Variants in GOT1L1 observed in about 807,000 individuals in gnomAD.
GOT1L1 encodes aspartate aminotransferase, cytoplasmic 2.
A neutral mutation model predicts 43.6 loss-of-function variants in GOT1L1; 38 were observed. The ratio of observed to expected loss-of-function variants is 0.87; its 90% confidence interval spans 0.67 to 1.14. The LOEUF (loss-of-function observed/expected upper bound fraction) is 1.14. Ranked by LOEUF, GOT1L1 falls within the 50% of genes most tolerant of loss-of-function variation. GOT1L1 has a pLI of 0.00. For missense variants in GOT1L1, 482 were observed against 504.0 expected (o/e 0.96, Z 0.42); for synonymous variants, 183 against 187.2 (o/e 0.98, Z 0.18).
At chr8:37,935,020 CA>C (rs746303974) in intron 8 of GOT1L1, 52 bp downstream of exon 8, 23 of 1,601,620 alleles carry the variant, frequency 1.4e-5, no homozygotes, top group Admixed American at 6.9e-5. Context: ...GTTTAATGCT[CA>C]AATACAGGCC....
At chr8:37,939,429 AAAAT>A (rs1173147120) in intron 1 of GOT1L1, among the ~76,000 whole-genome samples, 8 of 52,748 alleles carry the variant, frequency 1.5e-4, no homozygotes, top group African/African-American at 2.2e-4. Context: ...AAAAAAAAAA[AAAAT>A]ATATATATAT....
chr8:37,937,466 G>C, intron 3 of GOT1L1, 80 bp from the exon 4 acceptor site: 1 of 1,068,672 alleles, frequency 9.4e-7, no homozygotes. Context: ...GTGGGGCTGA[G>C]AGTCACTGGC....
intron 4 of GOT1L1, 93 bp downstream of exon 4, chr8:37,937,184 A>G: frequency 2.5e-6 from 3 of 1,221,344 alleles, no homozygotes; most frequent in Non-Finnish European, 3.5e-6. Context: ...AAACCTGGAA[A>G]AGGTCTTGGA....
intron 8 of GOT1L1, 135 bp downstream of exon 8, chr8:37,934,938 A>AAGC: frequency 1.0e-6 from 1 of 1,002,798 alleles, no homozygotes; most frequent in Non-Finnish European, 1.5e-6. Flanking sequence ...AGTGTCTTTA[A>AAGC]AGCAGCCCAT....
Position 37,939,432 on chromosome 8 carries a change from ATATATATATATATATATATATATAT to A in GOT1L1, c.115+458_115+482del, listed in dbSNP as rs1228861969. 4.9e-4 allele frequency among the ~76,000 whole-genome samples: 32 copies of A among 65,496 alleles called. 4 individuals are homozygous for A. The highest frequency in any genetic ancestry group is 1.8e-3 in the African/African-American group (29 of 16,006). The allele number at this position is 65,496 out of a possible 152,430, so 43.0% of individuals were successfully genotyped here. A position where few individuals can be genotyped will look rare whatever the true frequency, so the allele number is the denominator to read the frequency against. On this transcript the variant is annotated intron_variant, in intron 1 of 8. Coordinates refer to ENST00000307599, the MANE Select transcript of GOT1L1 (RefSeq NM_152413.3). ...CTGTCTCAAGAAAAAAAAAAAAAAAATATATATATATATATATATATATATATATATATATATATATGCAAAATGA... is the reference window on the plus strand; with the variant it reads ...CTGTCTCAAGAAAAAAAAAAAAAAAAATATATATATATATATGCAAAATGA...
chr8:37,935,344 T>C, intron 7 of GOT1L1, 129 bp from the exon 8 acceptor site: 2 of 959,422 alleles, frequency 2.1e-6, no homozygotes, highest in Middle Eastern at 3.3e-4. Context: ...GGGATGATTA[T>C]GAGTGGGAGG....
At position 37,939,847 on chromosome 8, in the gene GOT1L1, G is replaced by A. The variant is rs1807878868; in HGVS notation, c.115+68C>T. On this transcript the variant is annotated intron_variant, in intron 1 of 8. Coordinates refer to ENST00000307599, the MANE Select transcript of GOT1L1 (RefSeq NM_152413.3). The stretch of plus-strand genomic sequence containing the variant: ...GCTGCACCCCTCCCCCTGCAGCAGG[G>A]AACACTGTCCTCCTAGAGGCAGTTA... The A allele has an allele frequency of 3.4e-6, 5 of 1,489,370 alleles. No homozygotes were observed. The Admixed American group carries it at 7.8e-5, about 23-fold the overall frequency. The allele number at this position is 1,489,370 out of a possible 1,614,324, so 92.3% of individuals were successfully genotyped here.
Position 37,937,673 on chromosome 8 carries a change from T to A in GOT1L1, c.374A>T (p.Asp125Val), listed in dbSNP as rs1462065768. Reference sequence around the variant, plus strand: ...AGAGATGATGTAAACTATACGAGCATCCTTATGCCAAGCTCTGAGAAACTG... The same window carrying A: ...AGAGATGATGTAAACTATACGAGCAACCTTATGCCAAGCTCTGAGAAACTG... ...GVQFLRAWHK[D>V]ARIVYIISSQ... Residue 125 changes from aspartate to valine, a missense_variant, in exon 3 of 9, where the codon GAT becomes GTT. Physicochemically the swap from Asp to Val is radical, Grantham distance 152. Coordinates refer to ENST00000307599, the MANE Select transcript of GOT1L1 (RefSeq NM_152413.3). The A allele has an allele frequency of 6.2e-7, 1 of 1,612,606 alleles. No individual in the cohort carries two copies. The highest frequency in any genetic ancestry group is 8.5e-7 in the Non-Finnish European group (1 of 1,179,344).
In GOT1L1 at chr8:37,935,693, C is replaced by A; in HGVS notation, c.929+11G>T. On this transcript the variant is annotated intron_variant, in intron 7 of 8. Coordinates refer to ENST00000307599, the MANE Select transcript of GOT1L1 (RefSeq NM_152413.3). ...TCTCCCATCCCTTCCTGCTCCAGCC[C>A]TCACCCTTACCATTCTCCCAGCAGA... 6.4e-7 allele frequency: 1 copy of A among 1,569,450 alleles called. No individual in the cohort carries two copies.
At chr8:37,938,943 T>C in intron 1 of GOT1L1, 62 bp from the exon 2 acceptor site, 1 of 1,493,332 alleles carries the variant, frequency 6.7e-7, no homozygotes, top group South Asian at 1.2e-5. Flanking sequence ...GGCTGAGCTC[T>C]GCAGACAGCC....
At chr8:37,939,816 G>A in intron 1 of GOT1L1, 99 bp downstream of exon 1, 4 of 1,197,278 alleles carry the variant, frequency 3.3e-6, no homozygotes, top group Non-Finnish European at 4.7e-6. Context: ...ACCCACAGAA[G>A]CTTGGGCTGC....
intron 6 of GOT1L1, 78 bp downstream of exon 6, chr8:37,936,642 G>T (rs1370090876): frequency 1.2e-5 from 16 of 1,313,136 alleles, no homozygotes; most frequent in Admixed American, 2.0e-5. Flanking sequence ...CCAAGGATGA[G>T]ATATCAAAAA....
At position 37,938,842 on chromosome 8, in the gene GOT1L1, A is replaced by G; in HGVS notation, c.155T>C (p.Val52Ala). 6.2e-7 allele frequency: 1 copy of G among 1,613,840 alleles called. No homozygotes were observed. ...AATCTGTAGTCGAGTCTTCTGCACC[A>G]CGAGAGAAACCCAGGGATGGCCTTC... ...TNEGHPWVSL[V>A]VQKTRLQISQ... The change falls in exon 2 of 9, where the codon GTG becomes GCG. Residue 52 changes from valine (V) to alanine (A), a missense_variant. Val to Ala is a moderately conservative substitution (Grantham distance 64). Transcript: ENST00000307599.
chr8:37,935,929 C>G (rs1807739690), intron 6 of GOT1L1, 60 bp from the exon 7 acceptor site: 2 of 1,559,472 alleles, frequency 1.3e-6, no homozygotes, highest in South Asian at 2.4e-5. Context: ...AAGGCCTTCA[C>G]CTAGATCTCA....
At chr8:37,934,594 G>C (rs1401729169) in intron 8 of GOT1L1, 108 bp from the exon 9 acceptor site, 2 of 860,848 alleles carry the variant, frequency 2.3e-6, no homozygotes, top group Non-Finnish European at 3.7e-6. Flanking sequence ...GATTGAGATG[G>C]AGTTTTGCTC....
At chr8:37,934,807 C>T (rs28370365) in intron 8 of GOT1L1, among the ~76,000 whole-genome samples, 1 of 152,100 alleles carries the variant, frequency 6.6e-6, no homozygotes, top group African/African-American at 2.4e-5. Context: ...AACTCCTGAC[C>T]TCAGGTGACC....
At position 37,935,693 on chromosome 8, in the gene GOT1L1, C is replaced by T. The variant is rs773599941; in HGVS notation, c.929+11G>A. ...TCTCCCATCCCTTCCTGCTCCAGCC[C>T]TCACCCTTACCATTCTCCCAGCAGA... On this transcript the variant is annotated intron_variant, in intron 7 of 8. Coordinates refer to ENST00000307599, the MANE Select transcript of GOT1L1 (RefSeq NM_152413.3). 1.9e-6 allele frequency: 3 copies of T among 1,569,450 alleles called. No homozygotes were observed. Among genetic ancestry groups the T allele is most frequent in the Non-Finnish European group, 2.6e-6 (3 of 1,157,982 alleles).
Position 37,934,388 on chromosome 8 carries a change from T to C in GOT1L1, c.1171A>G (p.Ile391Val). The C allele has an allele frequency of 6.8e-6, 11 of 1,613,252 alleles. No homozygotes were observed. Among genetic ancestry groups the C allele is most frequent in the Non-Finnish European group, 9.3e-6 (11 of 1,179,240 alleles). ...ACAGCCTCATTGATGCCCTCAGTGA[T>C]GTAATTTATGTTGTTGGCATTGATA... is the stretch of plus-strand genomic sequence containing the variant. ...SCINANNINYITEGINEAVLL... is the reference protein window; with the variant it reads ...SCINANNINYVTEGINEAVLL... The change falls in exon 9 of 9, where the codon ATC becomes GTC. Residue 391 changes from isoleucine to valine, a missense_variant. Transcript: ENST00000307599.
At chr8:37,935,263 C>A in intron 7 of GOT1L1, 48 bp from the exon 8 acceptor site, 1 of 1,519,034 alleles carries the variant, frequency 6.6e-7, no homozygotes, top group South Asian at 1.3e-5. Context: ...TCCCCCTTGC[C>A]CTCAAACCTC....
Sources: allele counts gnomAD v4.1 joint callset (sites outside exome capture counted in the v4.1 genomes callset), GRCh38; gene constraint gnomAD v4.1.1; transcripts MANE v1.5; gene names NCBI Gene and HGNC (gene_info 2026-07-23, HGNC 2026-07-21).